Variants in GRIK3 observed in about 807,000 individuals in gnomAD.
The protein encoded by GRIK3 is glutamate receptor ionotropic, kainate 3.
GRIK3 carries 29 observed loss-of-function variants against 102.5 expected under a neutral mutation model. That is an observed-to-expected ratio of 0.28 (90% CI 0.21 to 0.39). GRIK3 has a LOEUF of 0.39. Ranked by LOEUF, GRIK3 falls within the 10% of genes least tolerant of loss-of-function variation. The pLI is 1.00. For missense variants in GRIK3, 908 were observed against 1,252.4 expected (o/e 0.73, Z 4.15); for synonymous variants, 511 against 504.9 (o/e 1.01, Z -0.16).
At chr1:36,866,669 T>A (rs1031999610) in intron 5 of GRIK3, among the ~76,000 whole-genome samples, 1 of 152,242 alleles carries the variant, frequency 6.6e-6, no homozygotes, top group Non-Finnish European at 1.5e-5. Flanking sequence ...CTGTCACCAC[T>A]GTATAGATGA....
Position 36,825,695 on chromosome 1 carries a change from G to T in GRIK3, c.1662C>A (p.Val554=), listed in dbSNP as rs1642748004. 1 of 1,613,852 alleles carries T rather than the reference G, an allele frequency of 6.2e-7. No homozygotes were observed. Among genetic ancestry groups the T allele is most frequent in the Admixed American group, 1.7e-5 (1 of 59,980 alleles). Residue 554 remains valine (V), a synonymous_variant, in exon 11 of 16, where the codon GTC becomes GTA. Transcript: ENST00000373091. ...GGGACAGGGGATTGAGGAAGGAGAA[G>T]ACGCTGGGGTTGGTGCCATTGGGCT... ...YRKPNGTNPS[V]FSFLNPLSPD... is the part of the protein sequence containing the mutation.
chr1:36,845,301 G>A lies in GRIK3; in HGVS notation c.1327-3362C>T, dbSNP rs142110473. Among the ~76,000 whole-genome samples the A allele has an allele frequency of 3.9e-5, 6 of 152,324 alleles. No homozygotes were observed. In the East Asian group the frequency reaches 5.8e-4, roughly 15 times the overall value. The stretch of plus-strand genomic sequence containing the variant: ...GGTGCCCTCAATTTCATAACTTCAC[G>A]CTCTTCTATTGCTCTGGGAGAACAG... On this transcript the variant is annotated intron_variant, in intron 9 of 15. Coordinates refer to ENST00000373091, the MANE Select transcript of GRIK3 (RefSeq NM_000831.4).
intron 1 of GRIK3, among the ~76,000 whole-genome samples, chr1:37,026,987 G>C (rs1336510999): frequency 2.0e-5 from 3 of 152,116 alleles, no homozygotes; most frequent in Non-Finnish European, 4.4e-5. Context: ...TGATGGGGGA[G>C]AGATGGCCTG....
chr1:36,829,877 G>A (rs2124202299), intron 10 of GRIK3, among the ~76,000 whole-genome samples: 1 of 152,280 alleles, frequency 6.6e-6, no homozygotes, highest in African/African-American at 2.4e-5. Context: ...CTAAAACCTG[G>A]ACATCTTCCT....
intron 10 of GRIK3, among the ~76,000 whole-genome samples, chr1:36,834,520 A>T (rs561742372): frequency 6.6e-6 from 1 of 152,202 alleles, no homozygotes; most frequent in Non-Finnish European, 1.5e-5. Context: ...CCAGTGGGTC[A>T]TGTCTCTGTG....
intron 1 of GRIK3, among the ~76,000 whole-genome samples, chr1:36,906,719 C>G (rs751469685): frequency 1.1e-4 from 17 of 152,138 alleles, no homozygotes; most frequent in Admixed American, 2.0e-4. Flanking sequence ...CAATGTGTCA[C>G]AGTAGGCACA....
At chr1:36,942,801 C>T (rs1286836506) in intron 1 of GRIK3, among the ~76,000 whole-genome samples, 1 of 152,150 alleles carries the variant, frequency 6.6e-6, no homozygotes, top group African/African-American at 2.4e-5. Context: ...CCAGTGGCTC[C>T]TGGGCACTAA....
intron 1 of GRIK3, among the ~76,000 whole-genome samples, chr1:36,924,206 C>G (rs1321543633): frequency 6.6e-6 from 1 of 152,170 alleles, no homozygotes; most frequent in Non-Finnish European, 1.5e-5. Context: ...TGACCCAATT[C>G]GAGCAAGACT....
At chr1:36,890,808 A>C (rs939523945) in intron 2 of GRIK3, 112 bp downstream of exon 2, 19 of 757,516 alleles carry the variant, frequency 2.5e-5, no homozygotes, top group Middle Eastern at 3.8e-4. Flanking sequence ...CAGGTAGAAA[A>C]GGCTCTGAAC....
intron 1 of GRIK3, among the ~76,000 whole-genome samples, chr1:36,959,733 ATGAGTCTGTGCGCCCCAT>A (rs1641978174): frequency 9.5e-6 from 1 of 104,738 alleles, no homozygotes; most frequent in African/African-American, 3.4e-5. Context: ...GGTGTGTCCC[ATGAGTCTGTGCGCCCCAT>A]TGAGTCTGTG....
intron 5 of GRIK3, among the ~76,000 whole-genome samples, chr1:36,868,540 A>G (rs1391254456): frequency 6.6e-6 from 1 of 152,148 alleles, no homozygotes; most frequent in Non-Finnish European, 1.5e-5. Context: ...GGCGGCTCTT[A>G]TTTGTAGCAT....
At position 36,825,643 on chromosome 1, in the gene GRIK3, C is replaced by T. The variant is rs1463357168; in HGVS notation, c.1714G>A (p.Ala572Thr). Residue 572 changes from alanine to threonine, a missense_variant, in exon 11 of 16, where the codon GCC (alanine) becomes ACC (threonine). By Grantham distance (58) the Ala-to-Thr change is moderately conservative. Around this residue, in one of 3 missense-constraint regions of GRIK3, gnomAD observed 585 missense variants for 824.9 expected, o/e 0.71. Coordinates refer to ENST00000373091, the MANE Select transcript of GRIK3 (RefSeq NM_000831.4). ...AGGACACAGCTGACCCCCAGGTAGGCGAGGAGAACATACATCCAGATGTCT... is the reference window on the plus strand; with the variant it reads ...AGGACACAGCTGACCCCCAGGTAGGTGAGGAGAACATACATCCAGATGTCT... ...SPDIWMYVLLAYLGVSCVLFV... is the reference protein window; with the variant it reads ...SPDIWMYVLLTYLGVSCVLFV... The T allele has an allele frequency of 1.9e-6, 3 of 1,606,020 alleles. No homozygotes were observed. The highest frequency in any genetic ancestry group is 2.6e-6 in the Non-Finnish European group (3 of 1,176,328).
intron 2 of GRIK3, among the ~76,000 whole-genome samples, chr1:36,888,772 C>T (rs1346659286): frequency 6.6e-6 from 1 of 152,090 alleles, no homozygotes; most frequent in Non-Finnish European, 1.5e-5. Flanking sequence ...TCCCACCATC[C>T]TTCAAAACTC....
intron 1 of GRIK3, among the ~76,000 whole-genome samples, chr1:37,015,518 C>T (rs114676061): frequency 0.02 from 3,041 of 152,252 alleles, 86 homozygotes; most frequent in African/African-American, 0.06. Flanking sequence ...GGCTGGGGAG[C>T]CAGTGCTTTG....
chr1:36,978,867 C>A (rs950152854), intron 1 of GRIK3, among the ~76,000 whole-genome samples: 3 of 152,164 alleles, frequency 2.0e-5, no homozygotes, highest in African/African-American at 7.2e-5. Context: ...ACACGGCCAG[C>A]TAGATTTGAG....
At chr1:36,830,626 A>G (rs954520059) in intron 10 of GRIK3, among the ~76,000 whole-genome samples, 2 of 152,002 alleles carry the variant, frequency 1.3e-5, no homozygotes, top group Non-Finnish European at 2.9e-5. Flanking sequence ...CCTGGCCAAC[A>G]TGGTGAAACC....
Position 36,850,264 on chromosome 1 carries a change from C to A in GRIK3, c.1326+47G>T, listed in dbSNP as rs1437889959. The A allele has an allele frequency of 5.6e-6, 7 of 1,252,586 alleles. No individual in the cohort carries two copies. In the South Asian group the frequency reaches 7.1e-5, roughly 13 times the overall value. 77.6% of individuals were successfully genotyped at this position (1,252,586 alleles called of 1,614,324 possible). A position where few individuals can be genotyped will look rare whatever the true frequency, so the allele number is the denominator to read the frequency against. On this transcript the variant is annotated intron_variant, in intron 9 of 15. Coordinates refer to ENST00000373091, the MANE Select transcript of GRIK3 (RefSeq NM_000831.4). This position sits in a 1 kb window ranked among gnomAD's most constrained non-coding sequence, Gnocchi z 4.0. ...GACTCTCCAGCCCGAACGGCCACCC[C>A]ACCCCCAGGTCGGACAGTCCTTCCT...
At chr1:36,973,561 A>C (rs1372529346) in intron 1 of GRIK3, among the ~76,000 whole-genome samples, 2 of 150,606 alleles carry the variant, frequency 1.3e-5, no homozygotes, top group Non-Finnish European at 2.9e-5. Context: ...CTGGGACTAC[A>C]GGCATGCGCC....
At position 36,801,988 on chromosome 1, in the gene GRIK3, G is replaced by A. The variant is rs1049793829; in HGVS notation, c.2623C>T (p.Arg875Ter). 3.7e-6 allele frequency: 6 copies of A among 1,613,712 alleles called. No homozygotes were observed. The highest frequency in any genetic ancestry group is 2.7e-5 in the African/African-American group (2 of 74,904). Residue 875 changes from arginine (R) to a stop codon, truncating the protein, a stop_gained, in exon 16 of 16, where the codon CGA becomes TGA. Transcript: ENST00000373091. LOFTEE classifies it high-confidence loss of function. Reference protein sequence around the residue: ...EIRFSLTCQRRVKHKPQPPMM... With the variant: ...EIRFSLTCQR The stretch of plus-strand genomic sequence containing the variant: ...GGAGGCTGAGGCTTGTGCTTGACTC[G>A]ACGCTGGCAGGTAAGGGAGAAACGG...
Sources: allele counts gnomAD v4.1 joint callset (sites outside exome capture counted in the v4.1 genomes callset), GRCh38; gene constraint gnomAD v4.1.1; regional missense constraint gnomAD v4.1.1; non-coding constraint Gnocchi (gnomAD v3.1); transcripts MANE v1.5; gene names NCBI Gene and HGNC (gene_info 2026-07-23, HGNC 2026-07-21).